Variants in COL6A5 observed in about 807,000 individuals in gnomAD.
COL6A5 encodes collagen alpha-5(VI) chain.
A neutral mutation model predicts 65.6 loss-of-function variants in COL6A5; 48 were observed. The observed-to-expected ratio is 0.73, with a 90% CI of 0.58 to 0.93. COL6A5 has a LOEUF of 0.93. Ranked by LOEUF, COL6A5 falls within the 40% of genes least tolerant of loss-of-function variation. COL6A5 has a pLI of 0.00. For missense variants in COL6A5, 914 were observed against 928.3 expected (o/e 0.98, Z 0.20); for synonymous variants, 291 against 322.8 (o/e 0.90, Z 1.05).
chr3:130,350,985 A>G (rs1320295828), intron 1 of COL6A5, among the ~76,000 whole-genome samples: 2 of 152,224 alleles, frequency 1.3e-5, no homozygotes, highest in African/African-American at 4.8e-5. Context: ...ATGGAACAGA[A>G]CAGAGTCCTC....
chr3:130,459,288 T>G (rs909507069), intron 5 of COL6A5, among the ~76,000 whole-genome samples: 1 of 152,130 alleles, frequency 6.6e-6, no homozygotes, highest in African/African-American at 2.4e-5. Context: ...GTTTTGTTTT[T>G]AATTTTTCTA....
At chr3:130,484,420 G>A (rs1050956125) in exon 8 of COL6A5, 2 of 404,450 alleles carry the variant, frequency 4.9e-6, no homozygotes, top group African/African-American at 4.1e-5. Flanking sequence ...TCTCAGATTG[G>A]ACTCCTCTAA....
At chr3:130,430,179 G>T (rs186403653), upstream of COL6A5, among the ~76,000 whole-genome samples, 6 of 152,146 alleles carry the variant, frequency 3.9e-5, no homozygotes, top group African/African-American at 1.4e-4. Flanking sequence ...CTTTAAGCTC[G>T]GTGCAAGTTT....
chr3:130,438,020 G>A (rs1709074737), intron 1 of COL6A5, among the ~76,000 whole-genome samples: 1 of 151,988 alleles, frequency 6.6e-6, no homozygotes, highest in South Asian at 2.1e-4. Context: ...GTTTTTGTGA[G>A]AAAAGTCTCG....
At chr3:130,362,141 T>C (rs1935129710) in intron 1 of COL6A5, among the ~76,000 whole-genome samples, 1 of 151,596 alleles carries the variant, frequency 6.6e-6, no homozygotes, top group African/African-American at 2.4e-5. Context: ...CCAAACCCAA[T>C]GTCATCTAGA....
At chr3:130,403,696 G>T in intron 13 of COL6A5, 34 bp downstream of exon 13, 1 of 1,468,856 alleles carries the variant, frequency 6.8e-7, no homozygotes, top group Non-Finnish European at 9.3e-7. Context: ...ACCCCCTGTT[G>T]CACACACACT....
chr3:130,475,069 A>G (rs1241749245), intron 7 of COL6A5, among the ~76,000 whole-genome samples: 1 of 151,348 alleles, frequency 6.6e-6, no homozygotes, highest in East Asian at 1.9e-4. Context: ...ATGAACTTGA[A>G]GAAAGATTAA....
chr3:130,440,458 A>G (rs1194296397), exon 3 of COL6A5: 5 of 1,613,746 alleles, frequency 3.1e-6, no homozygotes, highest in Admixed American at 1.7e-5. Flanking sequence ...ACCAACTCCT[A>G]ATGAAGAATC....
At chr3:130,397,644 G>A (rs1274078449) in exon 9 of COL6A5, 2 of 1,551,444 alleles carry the variant, frequency 1.3e-6, no homozygotes, top group Non-Finnish European at 1.7e-6. Context: ...GGCAGCCTTT[G>A]TTCCAGGGCC....
At chr3:130,354,442 A>G (rs927884047) in intron 1 of COL6A5, among the ~76,000 whole-genome samples, 1 of 152,170 alleles carries the variant, frequency 6.6e-6, no homozygotes, top group East Asian at 1.9e-4. Flanking sequence ...GCAAAACCCC[A>G]CTACGTAGAA....
At position 130,405,985 on chromosome 3, in the gene COL6A5, T is replaced by G. The variant is rs1387842935; in HGVS notation, c.4354-8T>G. 6.4e-7 allele frequency: 1 copy of G among 1,551,288 alleles called. No individual in the cohort carries two copies. On this transcript the variant is annotated splice_polypyrimidine_tract_variant and splice_region_variant and intron_variant and NMD_transcript_variant, in intron 14 of 41. Coordinates refer to the COL6A5 transcript ENST00000312481. ...ATTTGTCAGTGAGAGATATTTCATC[T>G]TTTGCAGGGACTCAAAGGATTTTCT...
At chr3:130,397,282 G>A (rs1936635341) in intron 8 of COL6A5, among the ~76,000 whole-genome samples, 1 of 151,940 alleles carries the variant, frequency 6.6e-6, no homozygotes, top group South Asian at 2.1e-4. Context: ...ACTAAATTAT[G>A]GTTTGAACTT....
At chr3:130,471,053 T>C in intron 7 of COL6A5, 86 bp downstream of exon 39, 1 of 970,826 alleles carries the variant, frequency 1.0e-6, no homozygotes, top group South Asian at 1.4e-5. Flanking sequence ...ATTTTAGTTT[T>C]CAAGATCCAA....
chr3:130,440,726 T>A, exon 3 of COL6A5: 1 of 1,613,312 alleles, frequency 6.2e-7, no homozygotes, highest in Non-Finnish European at 8.5e-7. Context: ...GTTAGCCAGC[T>A]ACCCACTTGA....
chr3:130,372,285 T>C (rs1018547335), intron 1 of COL6A5, among the ~76,000 whole-genome samples: 2 of 151,970 alleles, frequency 1.3e-5, no homozygotes, highest in Non-Finnish European at 2.9e-5. Context: ...CATAGAGTTA[T>C]GATAAGACCA....
exon 7 of COL6A5, chr3:130,391,236 T>C: frequency 6.4e-7 from 1 of 1,551,554 alleles, no homozygotes; most frequent in Non-Finnish European, 8.7e-7. Flanking sequence ...TCAGGTAGCA[T>C]AAAAAAACAA....
chr3:130,416,158 G>A (rs2107679474), intron 23 of COL6A5, among the ~76,000 whole-genome samples: 1 of 152,098 alleles, frequency 6.6e-6, no homozygotes, highest in Non-Finnish European at 1.5e-5. Flanking sequence ...ATCTGAACCT[G>A]TTTGTTTCCT....
At chr3:130,471,893 G>T (rs1452885213) in intron 7 of COL6A5, 1 of 1,534,832 alleles carries the variant, frequency 6.5e-7, no homozygotes, top group South Asian at 1.2e-5. Flanking sequence ...AGAAATTTCA[G>T]CTCTAGTGGT....
chr3:130,430,096 T>C (rs904329672), upstream of COL6A5, among the ~76,000 whole-genome samples: 12 of 152,184 alleles, frequency 7.9e-5, no homozygotes, highest in African/African-American at 1.9e-4. Flanking sequence ...GGCAAGGCCA[T>C]TGGAGCCAGT....
Sources: allele counts gnomAD v4.1 joint callset (sites outside exome capture counted in the v4.1 genomes callset), GRCh38; gene constraint gnomAD v4.1.1; transcripts MANE v1.5; gene names NCBI Gene and HGNC (gene_info 2026-07-23, HGNC 2026-07-21).